The following CTNNA3 variants were observed in gnomAD, a reference collection of about 807,000 sequenced individuals.
CTNNA3 encodes the protein catenin alpha-3.
In CTNNA3, 76 loss-of-function variants were observed where a neutral mutation model predicts 95.7. That is an observed-to-expected ratio of 0.79 (90% CI 0.66 to 0.96). The LOEUF is 0.96. CTNNA3 is among the 40% of genes least tolerant of loss of function. The probability of loss-of-function intolerance (pLI) is 0.00; values close to 1 mark genes in which losing one functional copy is unlikely to be tolerated. For synonymous variants in CTNNA3, 431 were observed against 374.4 expected, an observed-to-expected ratio of 1.15 and a Z score of -1.74; for missense variants, 1,191 against 1,089.8, an observed-to-expected ratio of 1.09 and a Z score of -1.31.
intron 6 of CTNNA3, among the ~76,000 whole-genome samples, chr10:67,184,703 T>C (rs1862749772): frequency 6.6e-6 from 1 of 152,220 alleles, no homozygotes; most frequent in Non-Finnish European, 1.5e-5. Context: ...AGTTACCCAC[T>C]TGTAAACTGC....
At chr10:67,347,455 T>C (rs1037758038) in intron 5 of CTNNA3, among the ~76,000 whole-genome samples, 4 of 152,296 alleles carry the variant, frequency 2.6e-5, no homozygotes, top group Non-Finnish European at 5.9e-5. Flanking sequence ...TTTCACTTTC[T>C]GGTAAAAAAA....
At chr10:66,782,462 G>A (rs1305574321) in intron 7 of CTNNA3, among the ~76,000 whole-genome samples, 1 of 151,910 alleles carries the variant, frequency 6.6e-6, no homozygotes, top group Non-Finnish European at 1.5e-5. Flanking sequence ...CTCATTCTCT[G>A]TATCACCTTT....
chr10:66,443,136 A>C (rs1295889778), intron 11 of CTNNA3, among the ~76,000 whole-genome samples: 5 of 152,190 alleles, frequency 3.3e-5, no homozygotes, highest in Admixed American at 2.0e-4. Flanking sequence ...CCCAGGCTTG[A>C]TTAGGTAAAC....
At chr10:67,216,742 G>A (rs972991805) in intron 6 of CTNNA3, among the ~76,000 whole-genome samples, 1 of 152,142 alleles carries the variant, frequency 6.6e-6, no homozygotes, top group Non-Finnish European at 1.5e-5. Context: ...ATTCAGATTA[G>A]TTCTTGTGTA....
chr10:66,775,456 G>C lies in CTNNA3; in HGVS notation c.1116C>G (p.Asp372Glu), dbSNP rs752434472. ...ALDNMCKKTR[D>E]LRRQLRKAII... The stretch of plus-strand genomic sequence containing the variant: ...TCTCTTCCCTCACCTGTCTGCGAAG[G>C]TCTCTTGTCTTCTTACACATGTTGT... Residue 372 changes from aspartate (D) to glutamate (E), a missense_variant, in exon 8 of 18, where the codon GAC (aspartate) becomes GAG (glutamate). Physicochemically the swap from Asp to Glu is conservative, Grantham distance 45 (BLOSUM62 2). Coordinates refer to ENST00000433211, the MANE Select transcript of CTNNA3 (RefSeq NM_013266.4). 3.1e-5 allele frequency: 50 copies of C among 1,609,108 alleles called. No homozygotes were observed. The highest frequency in any genetic ancestry group is 4.2e-5 in the Non-Finnish European group (49 of 1,177,320).
intron 7 of CTNNA3, among the ~76,000 whole-genome samples, chr10:66,975,793 T>C (rs904532456): frequency 6.6e-6 from 1 of 152,228 alleles, no homozygotes; most frequent in African/African-American, 2.4e-5. Context: ...TCTGTCTGTT[T>C]TTCTAAGTTA....
chr10:66,266,306 C>T (rs995093707), intron 13 of CTNNA3, among the ~76,000 whole-genome samples: 1 of 151,924 alleles, frequency 6.6e-6, no homozygotes, highest in African/African-American at 2.4e-5. Flanking sequence ...TAGCTGAGAC[C>T]AGGATCAAGG....
At chr10:67,201,391 TG>T (rs1197609077) in intron 6 of CTNNA3, among the ~76,000 whole-genome samples, 6 of 152,208 alleles carry the variant, frequency 3.9e-5, no homozygotes, top group African/African-American at 1.4e-4. Context: ...ATATGCCAAT[TG>T]ATTGGCTTAT....
intron 9 of CTNNA3, among the ~76,000 whole-genome samples, chr10:66,745,821 G>A (rs1018660758): frequency 1.6e-4 from 24 of 148,818 alleles, no homozygotes; most frequent in African/African-American, 5.2e-4. Flanking sequence ...GGATGGTCTC[G>A]ATCTCCTGAC....
chr10:67,609,077 C>CA (rs1463813864), intron 2 of CTNNA3, among the ~76,000 whole-genome samples: 1 of 70,700 alleles, frequency 1.4e-5, no homozygotes, highest in East Asian at 5.0e-4. Context: ...GCAACAAGGG[C>CA]AAAACTCTAT....
chr10:66,348,244 A>G (rs1206946627), intron 12 of CTNNA3, among the ~76,000 whole-genome samples: 1 of 152,128 alleles, frequency 6.6e-6, no homozygotes, highest in Non-Finnish European at 1.5e-5. Context: ...TAATTAGTCT[A>G]TATATTTTTA....
At chr10:67,348,528 G>A (rs958985254) in intron 5 of CTNNA3, among the ~76,000 whole-genome samples, 16 of 152,090 alleles carry the variant, frequency 1.1e-4, no homozygotes, top group African/African-American at 3.9e-4. Flanking sequence ...CTCCCAGTGA[G>A]GGCCTCAAGA....
chr10:67,372,466 T>A (rs1262789762), intron 5 of CTNNA3, among the ~76,000 whole-genome samples: 1 of 152,108 alleles, frequency 6.6e-6, no homozygotes, highest in African/African-American at 2.4e-5. Flanking sequence ...CCAAGAAATA[T>A]GGGACTATGT....
In CTNNA3 at chr10:66,575,751, G is replaced by A. The variant is rs535380191; in HGVS notation, c.1374+45941C>T. On this transcript the variant is annotated intron_variant, in intron 10 of 17. Transcript: ENST00000433211. Reference sequence around the variant, plus strand: ...TGAGTTCAGCAGCTGTTTTCAATGAGGATATAGGCTCAAAGCAAATACAAC... The same window carrying A: ...TGAGTTCAGCAGCTGTTTTCAATGAAGATATAGGCTCAAAGCAAATACAAC... Among the ~76,000 whole-genome samples, 354 of 152,192 alleles carry A rather than the reference G, an allele frequency of 2.3e-3. 1 individual carries two copies. The highest frequency in any genetic ancestry group is 3.9e-3 in the Non-Finnish European group (265 of 68,024).
intron 11 of CTNNA3, among the ~76,000 whole-genome samples, chr10:66,449,960 T>C (rs967822010): frequency 7.2e-5 from 11 of 152,098 alleles, no homozygotes; most frequent in Non-Finnish European, 1.5e-4. Context: ...TACTGGGGAA[T>C]AAAATTAAGT....
chr10:67,066,212 T>TTTTG (rs1856069269), intron 7 of CTNNA3, among the ~76,000 whole-genome samples: 1 of 149,806 alleles, frequency 6.7e-6, no homozygotes, highest in Non-Finnish European at 1.5e-5. Flanking sequence ...TTTTTTTTTT[T>TTTTG]GAGACAGTCT....
chr10:67,700,677 A>C (rs1054610561), upstream of CTNNA3, among the ~76,000 whole-genome samples: 17 of 152,326 alleles, frequency 1.1e-4, no homozygotes, highest in African/African-American at 3.1e-4. Flanking sequence ...AGATGGGGAA[A>C]AAACAGAGCA....
At chr10:66,025,452 A>G (rs920914330) in intron 15 of CTNNA3, among the ~76,000 whole-genome samples, 2 of 152,212 alleles carry the variant, frequency 1.3e-5, no homozygotes, top group Admixed American at 6.5e-5. Context: ...GCAATTGCTC[A>G]TTTTATTTAA....
chr10:66,627,008 ATG>A (rs758589598), intron 9 of CTNNA3, among the ~76,000 whole-genome samples: 1 of 152,066 alleles, frequency 6.6e-6, no homozygotes, highest in Non-Finnish European at 1.5e-5. Flanking sequence ...GTTAATTTTC[ATG>A]TGTTTGAATA....
Sources: allele counts gnomAD v4.1 joint callset (sites outside exome capture counted in the v4.1 genomes callset), GRCh38; gene constraint gnomAD v4.1.1; transcripts MANE v1.5; gene names NCBI Gene and HGNC (gene_info 2026-07-23, HGNC 2026-07-21).